GLMN: variants seen among roughly 807,000 people sequenced by gnomAD.
The protein encoded by GLMN is glomulin.
In GLMN, 75 loss-of-function variants were observed where a neutral mutation model predicts 87.8. That is an observed-to-expected ratio of 0.85 (90% CI 0.71 to 1.04). The LOEUF (loss-of-function observed/expected upper bound fraction) is 1.04, where lower values mean the gene tolerates loss of function less well. GLMN is among the 50% of genes least tolerant of loss of function. GLMN has a pLI of 0.00. For synonymous variants in GLMN, 206 were observed against 221.6 expected (o/e 0.93, Z 0.63); for missense variants, 588 against 658.8 (o/e 0.89, Z 1.18).
At chr1:92,259,645 A>G (rs922305009) in intron 16 of GLMN, among the ~76,000 whole-genome samples, 1 of 152,036 alleles carries the variant, frequency 6.6e-6, no homozygotes, top group Non-Finnish European at 1.5e-5. Context: ...GTGCTCAAAA[A>G]TAGGTACTGG....
At position 92,266,400 on chromosome 1, in the gene GLMN, A is replaced by T; in HGVS notation, c.1214+19T>A. On this transcript the variant is annotated intron_variant, in intron 13 of 18. Transcript: ENST00000370360. ...TTAATCAACCACACACTTAGCAATTAGCCATGCTTGATACATACCTAAATA... is the reference window on the plus strand; with the variant it reads ...TTAATCAACCACACACTTAGCAATTTGCCATGCTTGATACATACCTAAATA... The T allele has an allele frequency of 7.9e-7, 1 of 1,272,692 alleles. No homozygotes were observed. The highest frequency in any genetic ancestry group is 1.1e-6 in the Non-Finnish European group (1 of 869,626). 78.8% of individuals were successfully genotyped at this position (1,272,692 alleles called of 1,614,324 possible).
chr1:92,334,794 G>A, the GLMN span, among the ~76,000 whole-genome samples: 3 of 152,050 alleles, frequency 2.0e-5, no homozygotes, highest in Admixed American at 2.0e-4. Context: ...AGACCATCCT[G>A]GCTAACACGG....
At chr1:92,304,434 A>G in the GLMN span, 1 of 665,986 alleles carries the variant, frequency 1.5e-6, no homozygotes, top group Non-Finnish European at 2.5e-6. Flanking sequence ...TTAATTTTTA[A>G]TGATATTAAA....
chr1:92,266,420 TA>T lies in GLMN; in HGVS notation c.1212del (p.Phe404LeufsTer5). 6.7e-7 allele frequency: 1 copy of T among 1,481,628 alleles called. No individual in the cohort carries two copies. Among genetic ancestry groups the T allele is most frequent in the Non-Finnish European group, 9.4e-7 (1 of 1,060,084 alleles). 91.8% of individuals were successfully genotyped at this position (1,481,628 alleles called of 1,614,324 possible). A position where few individuals can be genotyped will look rare whatever the true frequency, so the allele number is the denominator to read the frequency against. The stretch of plus-strand genomic sequence containing the variant: ...CAATTAGCCATGCTTGATACATACC[TA>T]AATAATGTATATTTGCCTTGTGAAT... ...KLDSQGKYTL[F>X]RCLLNTSNHS... On this transcript the variant is annotated frameshift_variant and splice_region_variant, in exon 13 of 19. Coordinates refer to ENST00000370360, the MANE Select transcript of GLMN (RefSeq NM_053274.3). LOFTEE classifies it high-confidence loss of function.
At chr1:92,296,360 A>G (rs1233771083) in intron 3 of GLMN, among the ~76,000 whole-genome samples, 1 of 152,234 alleles carries the variant, frequency 6.6e-6, no homozygotes, top group Non-Finnish European at 1.5e-5. Context: ...GCAGTTCCAC[A>G]TGGCTAGGGA....
chr1:92,269,965 A>G (rs1216361598), intron 8 of GLMN, among the ~76,000 whole-genome samples, 189 bp from the exon 9 acceptor site: 1 of 152,212 alleles, frequency 6.6e-6, no homozygotes. Flanking sequence ...AAATGAGATT[A>G]TTAGGGTGGG....
chr1:92,280,679 G>A (rs1297133937), intron 7 of GLMN, among the ~76,000 whole-genome samples: 1 of 151,832 alleles, frequency 6.6e-6, no homozygotes, highest in Non-Finnish European at 1.5e-5. Flanking sequence ...CGAGCTAAAG[G>A]AGCATGTTCT....
chr1:92,333,634 T>TAAA, the GLMN span, among the ~76,000 whole-genome samples: 1 of 152,200 alleles, frequency 6.6e-6, no homozygotes, highest in Non-Finnish European at 1.5e-5. Flanking sequence ...ATTTTTAAGA[T>TAAA]ATTTTATCCA....
the GLMN span, among the ~76,000 whole-genome samples, chr1:92,354,218 C>G: frequency 6.6e-6 from 1 of 152,136 alleles, no homozygotes; most frequent in East Asian, 1.9e-4. Flanking sequence ...AAGCATGAAG[C>G]TTAAGGGAAC....
At chr1:92,259,732 CTTTTTTTTTTTTTT>C (rs58390058) in intron 16 of GLMN, among the ~76,000 whole-genome samples, 5 of 108,192 alleles carry the variant, frequency 4.6e-5, no homozygotes, top group African/African-American at 1.7e-4. Context: ...TTTTTTCTTT[CTTTTTTTTTTTTTT>C]TTTTTTGAGA....
chr1:92,336,951 A>G, the GLMN span, among the ~76,000 whole-genome samples: 2 of 152,224 alleles, frequency 1.3e-5, no homozygotes, highest in South Asian at 2.1e-4. Context: ...ATTGTGAGTG[A>G]AACTGTTGTG....
At chr1:92,327,900 C>T in the GLMN span, among the ~76,000 whole-genome samples, 2 of 152,152 alleles carry the variant, frequency 1.3e-5, no homozygotes, top group Non-Finnish European at 2.9e-5. Context: ...GACTATCTTT[C>T]CTTCATTTAT....
intron 16 of GLMN, among the ~76,000 whole-genome samples, chr1:92,260,714 C>CCA (rs771743508): frequency 3.4e-5 from 5 of 145,076 alleles, no homozygotes; most frequent in African/African-American, 5.1e-5. Flanking sequence ...GCCATGACTG[C>CCA]CACTGTACTC....
chr1:92,364,616 C>T, the GLMN span, among the ~76,000 whole-genome samples: 1 of 152,062 alleles, frequency 6.6e-6, no homozygotes, highest in Non-Finnish European at 1.5e-5. Flanking sequence ...GCATTGGTAT[C>T]CTCCTAATTA....
chr1:92,348,833 C>G, the GLMN span, among the ~76,000 whole-genome samples: 1 of 152,192 alleles, frequency 6.6e-6, no homozygotes, highest in Non-Finnish European at 1.5e-5. Flanking sequence ...CTCTTCTCCC[C>G]CTTACAGTTT....
the GLMN span, among the ~76,000 whole-genome samples, chr1:92,347,724 C>T: frequency 6.6e-6 from 1 of 152,128 alleles, no homozygotes; most frequent in Non-Finnish European, 1.5e-5. Context: ...ATCCATGTGG[C>T]ACAAAATACT....
intron 6 of GLMN, among the ~76,000 whole-genome samples, chr1:92,288,038 T>G (rs1391717905): frequency 7.4e-6 from 1 of 135,122 alleles, no homozygotes; most frequent in African/African-American, 3.7e-5. Flanking sequence ...ATTTTACTGT[T>G]TTTTTTTTTT....
At chr1:92,344,996 G>T in the GLMN span, among the ~76,000 whole-genome samples, 2 of 152,020 alleles carry the variant, frequency 1.3e-5, no homozygotes, top group Non-Finnish European at 2.9e-5. Context: ...GATGACTACA[G>T]AGTTTTTTGT....
the GLMN span, chr1:92,324,044 T>C: frequency 4.3e-6 from 7 of 1,613,932 alleles, no homozygotes; most frequent in East Asian, 4.5e-5. Flanking sequence ...GAGACTTTGA[T>C]TGAGTGGAAG....
Sources: gnomAD v4.1 joint callset for allele counts (sites outside exome capture counted in the v4.1 genomes callset) on GRCh38, gnomAD v4.1.1 for gene constraint, MANE v1.5 for transcripts, NCBI Gene and HGNC (gene_info 2026-07-23, HGNC 2026-07-21) for gene names.